MNAT1: variants seen among roughly 807,000 people sequenced by gnomAD.
MNAT1 encodes the protein CDK-activating kinase assembly factor MAT1.
MNAT1 carries 43 observed loss-of-function variants against 42.0 expected under a neutral mutation model. The ratio of observed to expected loss-of-function variants is 1.02; its 90% confidence interval spans 0.80 to 1.32. MNAT1 has a LOEUF of 1.32. MNAT1 is among the 40% of genes most tolerant of loss of function. The pLI is 0.00. For synonymous variants in MNAT1, 118 were observed against 120.0 expected, an observed-to-expected ratio of 0.98 and a Z score of 0.11; for missense variants, 306 against 350.4, an observed-to-expected ratio of 0.87 and a Z score of 1.01.
chr14:60,783,771 G>T (rs942801028), intron 1 of MNAT1, among the ~76,000 whole-genome samples: 1 of 152,148 alleles, frequency 6.6e-6, no homozygotes, highest in South Asian at 2.1e-4. Context: ...CAAAGTGCTG[G>T]GATTACAGGC....
At chr14:60,770,743 A>G (rs1196693032) in intron 1 of MNAT1, among the ~76,000 whole-genome samples, 1 of 152,116 alleles carries the variant, frequency 6.6e-6, no homozygotes, top group Non-Finnish European at 1.5e-5. Flanking sequence ...GTTATTTTAT[A>G]TTTCTACCAA....
chr14:60,910,489 G>T (rs977969966), intron 7 of MNAT1, among the ~76,000 whole-genome samples: 6 of 152,128 alleles, frequency 3.9e-5, no homozygotes, highest in African/African-American at 1.4e-4. Context: ...ATTATTTTGA[G>T]ATATGTCCCA....
At chr14:60,831,881 G>A (rs2033231341) in intron 6 of MNAT1, among the ~76,000 whole-genome samples, 5 of 152,204 alleles carry the variant, frequency 3.3e-5, no homozygotes, top group Admixed American at 3.3e-4. Flanking sequence ...TAACTGGCAT[G>A]AGATGGTATC....
intron 1 of MNAT1, among the ~76,000 whole-genome samples, chr14:60,786,553 A>C (rs1378483895): frequency 2.0e-5 from 3 of 152,174 alleles, no homozygotes; most frequent in Non-Finnish European, 4.4e-5. Context: ...TAGGAATTAA[A>C]ATTTGGAAAC....
intron 1 of MNAT1, among the ~76,000 whole-genome samples, chr14:60,761,044 C>G (rs1489309716): frequency 3.3e-5 from 5 of 152,144 alleles, no homozygotes; most frequent in Non-Finnish European, 5.9e-5. Flanking sequence ...TCTTGCTAGA[C>G]GCTTATGAAT....
intron 6 of MNAT1, among the ~76,000 whole-genome samples, chr14:60,820,172 A>G (rs762047173): frequency 7.9e-5 from 12 of 152,140 alleles, no homozygotes; most frequent in Admixed American, 2.0e-4. Flanking sequence ...CAGTAAACTC[A>G]GTAATTTTCA....
chr14:60,741,955 G>A (rs769768276), intron 1 of MNAT1, among the ~76,000 whole-genome samples: 18 of 151,988 alleles, frequency 1.2e-4, no homozygotes, highest in Non-Finnish European at 2.2e-4. Context: ...TTGGGTTTAA[G>A]TCTACATGTT....
intron 1 of MNAT1, among the ~76,000 whole-genome samples, chr14:60,795,258 A>G (rs991143341): frequency 6.6e-6 from 1 of 152,180 alleles, no homozygotes; most frequent in African/African-American, 2.4e-5. Flanking sequence ...CTCAGAGGCT[A>G]AAGGAACTGC....
chr14:60,919,417 C>A, intron 7 of MNAT1: 1 of 157,034 alleles, frequency 6.4e-6, no homozygotes. Flanking sequence ...CTAATCTGGC[C>A]ACTGCGGTAG....
At chr14:60,912,586 A>T (rs1460478820) in intron 7 of MNAT1, among the ~76,000 whole-genome samples, 1 of 152,182 alleles carries the variant, frequency 6.6e-6, no homozygotes, top group Non-Finnish European at 1.5e-5. Flanking sequence ...TATGAAGCTT[A>T]GTTTGGCTGG....
intron 6 of MNAT1, among the ~76,000 whole-genome samples, chr14:60,845,196 TG>T (rs956479362): frequency 2.8e-4 from 43 of 151,942 alleles, no homozygotes; most frequent in African/African-American, 1.0e-3. Flanking sequence ...ATGAAATTAA[TG>T]TTTTTTTTTT....
At chr14:60,840,255 C>T (rs1024381689) in intron 6 of MNAT1, among the ~76,000 whole-genome samples, 3 of 152,068 alleles carry the variant, frequency 2.0e-5, no homozygotes, top group African/African-American at 7.2e-5. Flanking sequence ...GGGAAAAATG[C>T]CTGTGTGAGA....
chr14:60,880,186 G>T, intron 7 of MNAT1: 1 of 172,994 alleles, frequency 5.8e-6, no homozygotes, highest in South Asian at 1.5e-4. Flanking sequence ...TGGGCTCCTT[G>T]CCATGAAAAA....
intron 1 of MNAT1, among the ~76,000 whole-genome samples, chr14:60,737,298 G>T (rs117999164): frequency 1.3e-4 from 19 of 151,946 alleles, no homozygotes; most frequent in Non-Finnish European, 2.2e-4. Context: ...GTATATTTTC[G>T]GATATTTTCT....
At chr14:60,773,378 G>T (rs991151905) in intron 1 of MNAT1, among the ~76,000 whole-genome samples, 3 of 152,078 alleles carry the variant, frequency 2.0e-5, no homozygotes, top group African/African-American at 7.2e-5. Context: ...CAAAACACAG[G>T]GCTTGAGATA....
chr14:60,900,735 CT>C (rs1475008039), intron 7 of MNAT1, among the ~76,000 whole-genome samples: 2 of 152,042 alleles, frequency 1.3e-5, no homozygotes, highest in Non-Finnish European at 2.9e-5. Flanking sequence ...AAGTCAGCCA[CT>C]TATGGTAGCT....
At chr14:60,864,055 C>T (rs559558784) in intron 6 of MNAT1, among the ~76,000 whole-genome samples, 1 of 151,904 alleles carries the variant, frequency 6.6e-6, no homozygotes, top group Non-Finnish European at 1.5e-5. Context: ...AAAAACAAGA[C>T]AACTTCTAAG....
chr14:60,960,538 C>T (rs1295559631), intron 7 of MNAT1, among the ~76,000 whole-genome samples: 1 of 152,226 alleles, frequency 6.6e-6, no homozygotes, highest in Non-Finnish European at 1.5e-5. Flanking sequence ...CATCACCATG[C>T]ATATGTCTCT....
rs926495712 is a variant in MNAT1, at chr14:60,969,500, A to G, written c.*1151A>G. 2 of 152,162 alleles carry G rather than the reference A, an allele frequency of 1.3e-5. No homozygotes were observed. The highest frequency in any genetic ancestry group is 4.8e-5 in the African/African-American group (2 of 41,452). 9.4% of individuals were successfully genotyped at this position (152,162 alleles called of 1,614,324 possible). ...ACATCTTCATCTTTATTGTACTTCT[A>G]TCTTTGTTAAATGAGAAAACCAAGG... is the stretch of plus-strand genomic sequence containing the variant. On this transcript the variant is annotated 3_prime_UTR_variant, in exon 8 of 8. Coordinates refer to ENST00000261245, the MANE Select transcript of MNAT1 (RefSeq NM_002431.4).
Sources: allele counts gnomAD v4.1 joint callset (sites outside exome capture counted in the v4.1 genomes callset), GRCh38; gene constraint gnomAD v4.1.1; transcripts MANE v1.5; gene names NCBI Gene and HGNC (gene_info 2026-07-23, HGNC 2026-07-21).